SNTB1: variants seen among roughly 807,000 people sequenced by gnomAD.
SNTB1 encodes beta-1-syntrophin.
A neutral mutation model predicts 48.9 loss-of-function variants in SNTB1; 36 were observed. The observed-to-expected ratio is 0.74, with a 90% CI of 0.56 to 0.97. The LOEUF (loss-of-function observed/expected upper bound fraction) is 0.97. SNTB1 is among the 50% of genes least tolerant of loss of function. The probability of loss-of-function intolerance (pLI) is 0.00; values close to 1 mark genes in which losing one functional copy is unlikely to be tolerated. For synonymous variants in SNTB1, 299 were observed against 294.6 expected, an observed-to-expected ratio of 1.01 and a Z score of -0.15; for missense variants, 786 against 703.4, an observed-to-expected ratio of 1.12 and a Z score of -1.33.
chr8:120,540,643 C>A (rs1815270872), intron 6 of SNTB1, among the ~76,000 whole-genome samples: 1 of 152,188 alleles, frequency 6.6e-6, no homozygotes, highest in East Asian at 1.9e-4. Context: ...GGATGCCTCA[C>A]ACTGAACCTA....
At chr8:120,612,195 C>A (rs916797332) in intron 3 of SNTB1, among the ~76,000 whole-genome samples, 14 of 152,148 alleles carry the variant, frequency 9.2e-5, no homozygotes, top group African/African-American at 3.4e-4. Flanking sequence ...TAACAGTAGC[C>A]ATTACTACGA....
intron 3 of SNTB1, among the ~76,000 whole-genome samples, chr8:120,613,254 G>A (rs1816654426): frequency 3.3e-5 from 5 of 152,134 alleles, no homozygotes; most frequent in Admixed American, 2.0e-4. Flanking sequence ...GGGAGGCTGA[G>A]GCAGGAGAAT....
intron 2 of SNTB1, chr8:120,636,050 CTTT>C (rs879263513): frequency 6.1e-6 from 5 of 817,748 alleles, no homozygotes; most frequent in East Asian, 1.1e-4. Context: ...GAACTCAAGG[CTTT>C]TTTTTTTATT....
intron 3 of SNTB1, among the ~76,000 whole-genome samples, chr8:120,589,808 C>T (rs375086106): frequency 6.6e-6 from 1 of 152,252 alleles, no homozygotes; most frequent in East Asian, 1.9e-4. Flanking sequence ...CCCCCTGAGG[C>T]CCTGCTTCCA....
At chr8:120,605,195 C>A (rs903910367) in intron 3 of SNTB1, among the ~76,000 whole-genome samples, 2 of 152,198 alleles carry the variant, frequency 1.3e-5, no homozygotes, top group African/African-American at 4.8e-5. Context: ...ACTCTGCAGT[C>A]CCCTTTCTAT....
chr8:120,691,277 C>G (rs757591610), intron 2 of SNTB1, among the ~76,000 whole-genome samples: 9 of 152,162 alleles, frequency 5.9e-5, no homozygotes, highest in Non-Finnish European at 1.3e-4. Flanking sequence ...TCTCAGTAAG[C>G]TTTTGTCTCA....
chr8:120,681,119 A>C (rs1202293181), intron 2 of SNTB1, among the ~76,000 whole-genome samples: 4 of 152,248 alleles, frequency 2.6e-5, no homozygotes, highest in African/African-American at 9.6e-5. Flanking sequence ...TCTAGGAAGA[A>C]AACAAATTTT....
rs1028310609 is a variant in SNTB1 at position 120,812,003 on chromosome 8, C to G, written c.-160G>C. ...CGCTCCGGGAGTTCGCAGACGCACTCGGCGGGAGTTGGCAGCTGCACTCAG... is the reference window on the plus strand; with the variant it reads ...CGCTCCGGGAGTTCGCAGACGCACTGGGCGGGAGTTGGCAGCTGCACTCAG... On this transcript the variant is annotated 5_prime_UTR_variant, in exon 1 of 7. Coordinates refer to ENST00000517992, the MANE Select transcript of SNTB1 (RefSeq NM_021021.4). 20 of 1,267,344 alleles carry G rather than the reference C, an allele frequency of 1.6e-5. No homozygotes were observed. Among genetic ancestry groups the G allele is most frequent in the Non-Finnish European group, 2.0e-5 (20 of 1,012,158 alleles). 78.5% of individuals were successfully genotyped at this position (1,267,344 alleles called of 1,614,324 possible).
intron 1 of SNTB1, among the ~76,000 whole-genome samples, chr8:120,784,128 GGATTACAGGCACCCAC>G (rs1819876984): frequency 6.6e-6 from 1 of 151,990 alleles, no homozygotes; most frequent in South Asian, 2.1e-4. Flanking sequence ...CAAGTAGCTG[GGATTACAGGCACCCAC>G]GATCACACCC....
At chr8:120,767,517 C>T (rs1475963810) in intron 1 of SNTB1, among the ~76,000 whole-genome samples, 1 of 152,126 alleles carries the variant, frequency 6.6e-6, no homozygotes, top group Non-Finnish European at 1.5e-5. Flanking sequence ...CAACAAAACA[C>T]CAAAAAGGTA....
intron 1 of SNTB1, among the ~76,000 whole-genome samples, chr8:120,776,158 A>G (rs1352213185): frequency 2.0e-5 from 3 of 152,162 alleles, no homozygotes; most frequent in Non-Finnish European, 4.4e-5. Flanking sequence ...TCAAGGGCCC[A>G]ATTCTATGGA....
chr8:120,646,043 A>C (rs1817291595), intron 2 of SNTB1, among the ~76,000 whole-genome samples: 1 of 149,636 alleles, frequency 6.7e-6, no homozygotes, highest in African/African-American at 2.4e-5. Context: ...GAAGTTGCTT[A>C]TCAGCTTAAG....
intron 1 of SNTB1, among the ~76,000 whole-genome samples, chr8:120,736,639 T>A (rs12547255): frequency 0.07 from 10,702 of 152,234 alleles, 535 homozygotes; most frequent in East Asian, 0.18. Context: ...AGCTTGGATT[T>A]TATTGCAGAG....
At chr8:120,612,594 C>G (rs1222229698) in intron 3 of SNTB1, among the ~76,000 whole-genome samples, 1 of 152,164 alleles carries the variant, frequency 6.6e-6, no homozygotes, top group Non-Finnish European at 1.5e-5. Context: ...GATCTTGTCA[C>G]CCAAGCTGGA....
At chr8:120,561,328 A>G (rs1815654646) in intron 4 of SNTB1, among the ~76,000 whole-genome samples, 1 of 140,312 alleles carries the variant, frequency 7.1e-6, no homozygotes, top group Non-Finnish European at 1.6e-5. Flanking sequence ...TCAAAAAAAA[A>G]AAAAAAAAAA....
In SNTB1 at chr8:120,548,765, T is replaced by G; in HGVS notation, c.1330A>C (p.Thr444Pro). 6.2e-7 allele frequency: 1 copy of G among 1,614,070 alleles called. No homozygotes were observed. Among genetic ancestry groups the G allele is most frequent in the Non-Finnish European group, 8.5e-7 (1 of 1,179,940 alleles). Residue 444 changes from threonine to proline, a missense_variant, in exon 5 of 7, where the codon ACT (threonine) becomes CCT (proline). Physicochemically the swap from Thr to Pro is conservative, Grantham distance 38 (BLOSUM62 -1). Coordinates refer to ENST00000517992, the MANE Select transcript of SNTB1 (RefSeq NM_021021.4). ...GGTAGCTCACTGCAGTACTCACCAGTGCTGATTTCAGCAATGAGTTCAGCA... is the reference window on the plus strand; with the variant it reads ...GGTAGCTCACTGCAGTACTCACCAGGGCTGATTTCAGCAATGAGTTCAGCA... ...NSAELIAEIS[T>P]ACTYKNQECR...
intron 3 of SNTB1, among the ~76,000 whole-genome samples, chr8:120,631,053 G>A (rs758040886): frequency 5.3e-5 from 8 of 152,106 alleles, no homozygotes; most frequent in South Asian, 2.1e-4. Flanking sequence ...ATCAGAACCC[G>A]GGCATGCTCA....
intron 3 of SNTB1, among the ~76,000 whole-genome samples, chr8:120,585,486 A>G (rs1486994047): frequency 6.6e-6 from 1 of 152,218 alleles, no homozygotes; most frequent in African/African-American, 2.4e-5. Flanking sequence ...TTTATTCCCT[A>G]AGCCTCACAT....
At chr8:120,571,417 C>T (rs1815842206) in intron 4 of SNTB1, 5 of 1,002,752 alleles carry the variant, frequency 5.0e-6, no homozygotes, top group Non-Finnish European at 5.5e-6. Flanking sequence ...TTCTCATGGA[C>T]CCCAAGGCAC....
Sources: allele counts gnomAD v4.1 joint callset (sites outside exome capture counted in the v4.1 genomes callset), GRCh38; gene constraint gnomAD v4.1.1; transcripts MANE v1.5; gene names NCBI Gene and HGNC (gene_info 2026-07-23, HGNC 2026-07-21).